Variants in RTL4 observed in about 807,000 individuals in gnomAD.
RTL4 encodes retrotransposon Gag-like protein 4.
Under a neutral mutation model 5.3 loss-of-function variants are expected in RTL4, and 4 were observed. The ratio of observed to expected loss-of-function variants is 0.75; its 90% confidence interval spans 0.37 to 1.72. The LOEUF (loss-of-function observed/expected upper bound fraction) is 1.72. RTL4 is among the 40% of genes most tolerant of loss of function. The pLI is 0.04. For missense variants in RTL4, 260 were observed against 227.1 expected (o/e 1.14, Z -0.93); for synonymous variants, 98 against 87.3 (o/e 1.12, Z -0.68).
At chrX:112,086,574 T>A in the RTL4 span, among the ~76,000 whole-genome samples, 85 of 112,234 alleles carry the variant, frequency 7.6e-4, no homozygotes, top group African/African-American at 2.5e-3. Context: ...GGAGAAAGCA[T>A]GGAATATCTG....
the RTL4 span, among the ~76,000 whole-genome samples, chrX:112,253,016 G>A: frequency 1.8e-5 from 2 of 111,554 alleles, no homozygotes; most frequent in Non-Finnish European, 3.8e-5. Context: ...GGCTAATGGT[G>A]GAATTTTCTG....
the RTL4 span, among the ~76,000 whole-genome samples, chrX:112,219,988 T>A: frequency 8.9e-6 from 1 of 111,824 alleles, no homozygotes; most frequent in East Asian, 2.8e-4. Context: ...GGTGTTTCCC[T>A]AGTTGTTTAG....
At chrX:112,267,208 A>C in the RTL4 span, among the ~76,000 whole-genome samples, 2 of 111,285 alleles carry the variant, frequency 1.8e-5, no homozygotes, top group Non-Finnish European at 1.9e-5. Context: ...ACTGTCCCCA[A>C]TTTTCTTTGG....
At chrX:112,100,856 G>A in the RTL4 span, among the ~76,000 whole-genome samples, 1 of 111,492 alleles carries the variant, frequency 9.0e-6, no homozygotes, top group Non-Finnish European at 1.9e-5. Context: ...TTTATTTTGG[G>A]TGTCAATATG....
chrX:112,319,567 C>CAAA, the RTL4 span, among the ~76,000 whole-genome samples: 1 of 111,511 alleles, frequency 9.0e-6, no homozygotes, highest in East Asian at 2.8e-4. Context: ...TGAATTTATA[C>CAAA]ACCCAGATAA....
the RTL4 span, among the ~76,000 whole-genome samples, chrX:112,151,674 G>A: frequency 8.9e-6 from 1 of 111,972 alleles, no homozygotes; most frequent in East Asian, 2.8e-4. Flanking sequence ...TGCCCTATAC[G>A]TTCCCCTGGA....
At chrX:112,169,543 C>T in the RTL4 span, among the ~76,000 whole-genome samples, 2 of 111,340 alleles carry the variant, frequency 1.8e-5, no homozygotes, top group East Asian at 2.8e-4. Context: ...AAAAAAAGAG[C>T]GAGACTTGTG....
the RTL4 span, among the ~76,000 whole-genome samples, chrX:112,298,716 G>C: frequency 8.9e-6 from 1 of 112,835 alleles, no homozygotes; most frequent in Non-Finnish European, 1.9e-5. Context: ...TGTAGCCCCA[G>C]TGACAGTGTG....
At chrX:112,349,942 A>C in the RTL4 span, among the ~76,000 whole-genome samples, 1 of 110,257 alleles carries the variant, frequency 9.1e-6, no homozygotes, top group Non-Finnish European at 1.9e-5. Context: ...GCCTTGTGCC[A>C]GTTTTCAAAG....
At chrX:112,332,882 G>GT in the RTL4 span, among the ~76,000 whole-genome samples, 2 of 111,054 alleles carry the variant, frequency 1.8e-5, no homozygotes, top group Non-Finnish European at 3.8e-5. Context: ...TTGTTCTATT[G>GT]TTTTTTTCTT....
the RTL4 span, among the ~76,000 whole-genome samples, chrX:112,446,982 C>T: frequency 1.8e-5 from 2 of 112,043 alleles, no homozygotes; most frequent in African/African-American, 6.5e-5. Context: ...CTGAGTGCCT[C>T]TATGTATAAG....
the RTL4 span, among the ~76,000 whole-genome samples, chrX:112,202,323 G>C: frequency 2.7e-5 from 3 of 110,160 alleles, no homozygotes; most frequent in East Asian, 8.5e-4. Flanking sequence ...TTTTATTTTT[G>C]AGTAATATTC....
At chrX:112,120,871 G>C in the RTL4 span, among the ~76,000 whole-genome samples, 1 of 111,669 alleles carries the variant, frequency 9.0e-6, no homozygotes, top group Non-Finnish European at 1.9e-5. Context: ...CTGATGCCCA[G>C]GGCACTCTGA....
the RTL4 span, among the ~76,000 whole-genome samples, chrX:112,095,349 C>A: frequency 1.7e-4 from 19 of 111,466 alleles, no homozygotes; most frequent in African/African-American, 5.5e-4. Context: ...AATGAGAGAG[C>A]AAGCTAAGTA....
At chrX:112,401,542 TAGAG>T in the RTL4 span, among the ~76,000 whole-genome samples, 150 of 112,151 alleles carry the variant, frequency 1.3e-3, no homozygotes, top group Middle Eastern at 0.023. Flanking sequence ...TAGGTAATCT[TAGAG>T]AGAAATAACT....
At chrX:112,238,293 G>T in the RTL4 span, among the ~76,000 whole-genome samples, 1 of 111,666 alleles carries the variant, frequency 9.0e-6, no homozygotes, top group Non-Finnish European at 1.9e-5. Context: ...CTGTGTATAT[G>T]ATCTTTATAT....
chrX:112,455,124 C>G (rs373080478), exon 1 of RTL4: 1 of 1,211,662 alleles, frequency 8.3e-7, no homozygotes, highest in African/African-American at 1.7e-5. Flanking sequence ...TTCTTGAGTT[C>G]CAGCAGTCAT....
At chrX:112,299,388 A>G in the RTL4 span, among the ~76,000 whole-genome samples, 1 of 112,808 alleles carries the variant, frequency 8.9e-6, no homozygotes, top group Admixed American at 9.4e-5. Flanking sequence ...GAGCCACAAT[A>G]TGTGAATCAG....
chrX:112,402,769 G>C, the RTL4 span, among the ~76,000 whole-genome samples: 1 of 111,134 alleles, frequency 9.0e-6, no homozygotes, highest in East Asian at 2.8e-4. Context: ...AAGGAAGAGA[G>C]AAAGCGAAAG....
Sources: gnomAD v4.1 joint callset for allele counts (sites outside exome capture counted in the v4.1 genomes callset) on GRCh38, gnomAD v4.1.1 for gene constraint, MANE v1.5 for transcripts, NCBI Gene and HGNC (gene_info 2026-07-23, HGNC 2026-07-21) for gene names.